Variants in CA10 observed in about 807,000 individuals in gnomAD.
The protein encoded by CA10 is carbonic anhydrase-related protein 10.
CA10 carries 14 observed loss-of-function variants against 44.2 expected under a neutral mutation model. That is an observed-to-expected ratio of 0.32 (90% confidence interval 0.21 to 0.50). The LOEUF (loss-of-function observed/expected upper bound fraction) is 0.50, where lower values mean the gene tolerates loss of function less well. Ranked by LOEUF, CA10 falls within the 20% of genes least tolerant of loss-of-function variation. The pLI, the probability that CA10 is intolerant of heterozygous loss-of-function variation, is 0.99. For missense variants in CA10, 350 were observed against 409.7 expected (o/e 0.85, Z 1.26); for synonymous variants, 159 against 141.6 (o/e 1.12, Z -0.87).
At chr17:52,080,235 G>A (rs1205908113) in intron 1 of CA10, among the ~76,000 whole-genome samples, 1 of 152,058 alleles carries the variant, frequency 6.6e-6, no homozygotes, top group Admixed American at 6.6e-5. Context: ...GGCGCATCAC[G>A]AGGTCAGGGG....
At chr17:51,632,570 A>G (rs569590164) in intron 8 of CA10, among the ~76,000 whole-genome samples, 24 of 152,288 alleles carry the variant, frequency 1.6e-4, no homozygotes, top group African/African-American at 5.8e-4. Context: ...GGGCTTCCCT[A>G]TCCAGGCTCT....
chr17:51,983,017 C>T (rs1238939592), intron 2 of CA10, among the ~76,000 whole-genome samples: 1 of 151,928 alleles, frequency 6.6e-6, no homozygotes, highest in Non-Finnish European at 1.5e-5. Context: ...TTTTCCTCTA[C>T]AGTAATATTG....
chr17:51,865,978 T>C (rs559368076), intron 3 of CA10, among the ~76,000 whole-genome samples: 3 of 152,360 alleles, frequency 2.0e-5, no homozygotes, highest in South Asian at 4.1e-4. Context: ...ATAAAAATGA[T>C]GCAGTGAATG....
chr17:51,861,257 T>G (rs997825301), intron 3 of CA10, among the ~76,000 whole-genome samples: 1 of 152,198 alleles, frequency 6.6e-6, no homozygotes, highest in South Asian at 2.1e-4. Context: ...TTTTTCATTC[T>G]GGCAGCAGCA....
At chr17:51,736,089 A>G (rs1916900915) in intron 4 of CA10, among the ~76,000 whole-genome samples, 1 of 152,190 alleles carries the variant, frequency 6.6e-6, no homozygotes, top group Non-Finnish European at 1.5e-5. Flanking sequence ...TACCTCAACA[A>G]AACTGGGGGA....
At chr17:52,073,729 T>A (rs1389248816) in intron 1 of CA10, among the ~76,000 whole-genome samples, 1 of 152,168 alleles carries the variant, frequency 6.6e-6, no homozygotes, top group Non-Finnish European at 1.5e-5. Context: ...TCCATAGCCC[T>A]TGAGGAAGAT....
At chr17:52,038,232 A>G (rs1986671896) in intron 2 of CA10, among the ~76,000 whole-genome samples, 3 of 152,192 alleles carry the variant, frequency 2.0e-5, no homozygotes, top group Admixed American at 2.0e-4. Context: ...TACAGAGAGG[A>G]TGTGGGAGAG....
intron 2 of CA10, among the ~76,000 whole-genome samples, chr17:52,038,648 T>A: frequency 6.6e-6 from 1 of 152,154 alleles, no homozygotes; most frequent in East Asian, 1.9e-4. Context: ...TCTCATCTAC[T>A]TGCCTCATAC....
intron 2 of CA10, among the ~76,000 whole-genome samples, chr17:52,026,460 G>A (rs1330306028): frequency 6.6e-6 from 1 of 152,106 alleles, no homozygotes; most frequent in African/African-American, 2.4e-5. Flanking sequence ...CAGATGATGG[G>A]AGAAAACGTC....
chr17:51,670,608 C>T (rs1456896959), intron 4 of CA10, among the ~76,000 whole-genome samples: 1 of 152,034 alleles, frequency 6.6e-6, no homozygotes, highest in Non-Finnish European at 1.5e-5. Context: ...CATTCCAGCT[C>T]TTTCTCTGGA....
chr17:51,950,866 A>AT (rs1240724578), intron 2 of CA10, among the ~76,000 whole-genome samples: 2 of 151,924 alleles, frequency 1.3e-5, no homozygotes, highest in African/African-American at 4.8e-5. Context: ...GAGCGCAGAG[A>AT]TTTTTCACCT....
chr17:51,670,963 G>C (rs936444169), intron 4 of CA10, among the ~76,000 whole-genome samples: 4 of 152,154 alleles, frequency 2.6e-5, no homozygotes, highest in African/African-American at 9.7e-5. Flanking sequence ...AAGTGCTCTG[G>C]GACTTGGGAT....
At chr17:52,145,390 G>GT (rs1989562164) in intron 1 of CA10, among the ~76,000 whole-genome samples, 1 of 152,138 alleles carries the variant, frequency 6.6e-6, no homozygotes, top group African/African-American at 2.4e-5. Context: ...TGCTTAAACT[G>GT]TTTAAAAGGA....
intron 3 of CA10, among the ~76,000 whole-genome samples, chr17:51,900,718 A>AT (rs1052074492): frequency 2.0e-5 from 3 of 151,774 alleles, no homozygotes; most frequent in Non-Finnish European, 4.4e-5. Flanking sequence ...GGTTTTGTTC[A>AT]TTTTTTTCTT....
At position 51,937,315 on chromosome 17, in the gene CA10, T is replaced by C. The variant is rs182720172; in HGVS notation, c.137-6183A>G. 2.0e-5 allele frequency among the ~76,000 whole-genome samples: 3 copies of C among 152,290 alleles called. No homozygotes were observed. The East Asian group carries it at 5.8e-4, about 29-fold the overall frequency. ...CTGTCTCTTCCTCTCTTCTCAACTG[T>C]AATAAATCTCCACTTTGAGCCATTA... On this transcript the variant is annotated intron_variant, in intron 2 of 8. Transcript: ENST00000451037.
At chr17:51,675,333 G>A (rs1451673146) in intron 4 of CA10, among the ~76,000 whole-genome samples, 1 of 152,138 alleles carries the variant, frequency 6.6e-6, no homozygotes, top group Non-Finnish European at 1.5e-5. Context: ...GCCAAGGCGG[G>A]TGGATCACCT....
At chr17:51,862,748 T>C (rs551635765) in intron 3 of CA10, among the ~76,000 whole-genome samples, 13 of 152,074 alleles carry the variant, frequency 8.5e-5, no homozygotes, top group African/African-American at 2.7e-4. Context: ...TCTGTTCACA[T>C]GGCCTTTTTT....
At chr17:52,099,567 C>T (rs1332097078) in intron 1 of CA10, among the ~76,000 whole-genome samples, 1 of 152,128 alleles carries the variant, frequency 6.6e-6, no homozygotes, top group Non-Finnish European at 1.5e-5. Context: ...ACAAGAGTTT[C>T]ATTGGATCAT....
At chr17:51,914,324 A>C (rs1412094757) in intron 3 of CA10, among the ~76,000 whole-genome samples, 1 of 152,138 alleles carries the variant, frequency 6.6e-6, no homozygotes, top group Non-Finnish European at 1.5e-5. Context: ...TAGAAATTAA[A>C]ACTATGTGTT....
Sources: gnomAD v4.1 joint callset for allele counts (sites outside exome capture counted in the v4.1 genomes callset) on GRCh38, gnomAD v4.1.1 for gene constraint, MANE v1.5 for transcripts, NCBI Gene and HGNC (gene_info 2026-07-23, HGNC 2026-07-21) for gene names.